Variants in ERC1 observed in about 807,000 individuals in gnomAD.
The protein encoded by ERC1 is RAB6 interacting protein 2.
A neutral mutation model predicts 132.0 loss-of-function variants in ERC1; 56 were observed. That is an observed-to-expected ratio of 0.42 (90% CI 0.34 to 0.53). The LOEUF (loss-of-function observed/expected upper bound fraction) is 0.53. Among genes scored for constraint, ERC1 ranks in the 20% least tolerant of loss-of-function variants. The pLI is 0.03. For synonymous variants in ERC1, 478 were observed against 476.1 expected (o/e 1.00, Z -0.05); for missense variants, 1,202 against 1,349.9 (o/e 0.89, Z 1.72).
intron 14 of ERC1, among the ~76,000 whole-genome samples, chr12:1,288,065 T>C (rs113812568): frequency 3.9e-4 from 59 of 152,250 alleles, no homozygotes; most frequent in Non-Finnish European, 4.4e-5. Context: ...AGAGATTATG[T>C]TGAACCTGTA....
intron 12 of ERC1, among the ~76,000 whole-genome samples, chr12:1,230,518 G>A (rs545467721): frequency 1.3e-5 from 2 of 152,304 alleles, no homozygotes; most frequent in Admixed American, 1.3e-4. Flanking sequence ...TCTGGGGAAT[G>A]CTCTATGTGT....
intron 8 of ERC1, among the ~76,000 whole-genome samples, chr12:1,172,646 C>T (rs1476922371): frequency 6.6e-6 from 1 of 151,594 alleles, no homozygotes; most frequent in African/African-American, 2.4e-5. Flanking sequence ...TTTGCTTGTA[C>T]AGAAATTGAA....
At chr12:1,435,770 C>T (rs758527070) in intron 17 of ERC1, among the ~76,000 whole-genome samples, 3 of 152,170 alleles carry the variant, frequency 2.0e-5, no homozygotes, top group South Asian at 2.1e-4. Flanking sequence ...TGGCTGTTTC[C>T]GATGTTAGCA....
In ERC1 at chr12:1,466,970, G is replaced by A. The variant is rs115801281; in HGVS notation, c.3213+22220G>A. ...TGCCCCTACCTAGCATAGTCTGAAC[G>A]AGTGAAAGAGAGTCTTTAATTTTAA... On this transcript the variant is annotated intron_variant, in intron 18 of 18. Coordinates refer to ENST00000360905, the MANE Select transcript of ERC1 (RefSeq NM_178040.4). 5.9e-3 allele frequency among the ~76,000 whole-genome samples: 904 copies of A among 152,298 alleles called. 15 individuals carry two copies. The highest frequency in any genetic ancestry group is 0.021 in the African/African-American group (853 of 41,562).
chr12:1,433,223 C>T (rs1052263826), intron 17 of ERC1, among the ~76,000 whole-genome samples: 2 of 152,148 alleles, frequency 1.3e-5, no homozygotes, highest in Admixed American at 1.3e-4. Context: ...AAGTAACTGA[C>T]GTGAGAGCAG....
At chr12:1,053,771 A>C (rs1972454256) in intron 2 of ERC1, among the ~76,000 whole-genome samples, 2 of 152,226 alleles carry the variant, frequency 1.3e-5, no homozygotes, top group Admixed American at 1.3e-4. Context: ...TTTAACAGGG[A>C]GGCCAGCTTG....
intron 2 of ERC1, among the ~76,000 whole-genome samples, chr12:1,081,308 G>A (rs1053913937): frequency 4.6e-5 from 7 of 152,132 alleles, no homozygotes; most frequent in African/African-American, 1.7e-4. Context: ...CATTTTAGTA[G>A]TTCATCTGCA....
intron 15 of ERC1, among the ~76,000 whole-genome samples, chr12:1,338,347 A>G (rs2083485201): frequency 6.6e-6 from 1 of 152,224 alleles, no homozygotes; most frequent in Non-Finnish European, 1.5e-5. Flanking sequence ...TTGTGACTGC[A>G]TTATGAAATT....
At chr12:1,026,391 C>G (rs944747626) in intron 1 of ERC1, among the ~76,000 whole-genome samples, 1 of 152,184 alleles carries the variant, frequency 6.6e-6, no homozygotes, top group African/African-American at 2.4e-5. Flanking sequence ...CAAACCATAT[C>G]ACTCACTGTT....
Position 1,179,285 on chromosome 12 carries a change from T to G in ERC1, c.1738-1255T>G, listed in dbSNP as rs572129003. On this transcript the variant is annotated intron_variant, in intron 8 of 18. Transcript: ENST00000360905. ...ATTGAAAGATCAGATCCTTGCATGC[T>G]GACACTGCCAACACTGGTACTGTTA... Among the ~76,000 whole-genome samples the G allele has an allele frequency of 8.5e-5, 13 of 152,278 alleles. No homozygotes were observed. In the South Asian group the frequency reaches 2.3e-3, roughly 27 times the overall value.
chr12:1,078,885 T>C (rs1941760556), intron 2 of ERC1, among the ~76,000 whole-genome samples: 1 of 126,460 alleles, frequency 7.9e-6, no homozygotes, highest in South Asian at 2.4e-4. Context: ...TATACAAAGA[T>C]ACAGATAGAA....
At chr12:1,468,752 C>T (rs1469648930) in intron 18 of ERC1, among the ~76,000 whole-genome samples, 1 of 152,196 alleles carries the variant, frequency 6.6e-6, no homozygotes, top group Non-Finnish European at 1.5e-5. Flanking sequence ...TATTTAGCCA[C>T]AGATTATTAA....
At chr12:1,206,009 T>C (rs1957323252) in intron 12 of ERC1, among the ~76,000 whole-genome samples, 1 of 152,140 alleles carries the variant, frequency 6.6e-6, no homozygotes, top group Admixed American at 6.5e-5. Context: ...GTAATATTGT[T>C]AGCTGGTTTA....
At chr12:1,018,458 G>C (rs73606385) in intron 1 of ERC1, among the ~76,000 whole-genome samples, 26,932 of 152,096 alleles carry the variant, frequency 0.18, 2,482 homozygotes, top group Non-Finnish European at 0.2. Context: ...CAAGTGATCC[G>C]CCTGCCTCGG....
At chr12:1,235,253 G>A (rs1484303699) in intron 12 of ERC1, among the ~76,000 whole-genome samples, 1 of 152,224 alleles carries the variant, frequency 6.6e-6, no homozygotes, top group Non-Finnish European at 1.5e-5. Flanking sequence ...CAGCTGTTCA[G>A]GAGGCTGAGG....
At chr12:1,326,057 G>A (rs2154355864) in intron 15 of ERC1, among the ~76,000 whole-genome samples, 1 of 152,136 alleles carries the variant, frequency 6.6e-6, no homozygotes, top group East Asian at 1.9e-4. Flanking sequence ...GAGAAAATGA[G>A]CCTAAGTTAG....
intron 12 of ERC1, among the ~76,000 whole-genome samples, chr12:1,206,676 A>T (rs1175686129): frequency 6.6e-6 from 1 of 152,096 alleles, no homozygotes; most frequent in African/African-American, 2.4e-5. Flanking sequence ...ATGAAAATAT[A>T]TGATTTGGTT....
intron 15 of ERC1, among the ~76,000 whole-genome samples, chr12:1,352,456 C>A (rs1445720955): frequency 2.0e-5 from 3 of 152,180 alleles, no homozygotes; most frequent in Non-Finnish European, 4.4e-5. Flanking sequence ...TGGAGCCAAA[C>A]TGCAAATGGT....
At chr12:1,420,410 A>G (rs1219283172) in intron 17 of ERC1, among the ~76,000 whole-genome samples, 1 of 152,054 alleles carries the variant, frequency 6.6e-6, no homozygotes, top group Non-Finnish European at 1.5e-5. Context: ...TTAAAAAAAA[A>G]GTTGTTTTGC....
Sources: gnomAD v4.1 joint callset for allele counts (sites outside exome capture counted in the v4.1 genomes callset) on GRCh38, gnomAD v4.1.1 for gene constraint, MANE v1.5 for transcripts, NCBI Gene and HGNC (gene_info 2026-07-23, HGNC 2026-07-21) for gene names.